Variants in RBPJ observed in about 807,000 individuals in gnomAD.
RBPJ encodes the protein recombination signal binding protein for immunoglobulin kappa J region.
In RBPJ, 9 loss-of-function variants were observed where a neutral mutation model predicts 67.8. The observed-to-expected ratio is 0.13, with a 90% CI of 0.08 to 0.23. RBPJ has a LOEUF of 0.23. Among genes scored for constraint, RBPJ ranks in the 10% least tolerant of loss-of-function variants. The pLI is 1.00. For missense variants in RBPJ, 305 were observed against 595.6 expected, an observed-to-expected ratio of 0.51 and a Z score of 5.08; for synonymous variants, 198 against 203.3, an observed-to-expected ratio of 0.97 and a Z score of 0.22.
intron 1 of RBPJ, among the ~76,000 whole-genome samples, chr4:26,230,338 A>G (rs1197526800): frequency 6.6e-6 from 1 of 152,216 alleles, no homozygotes. Context: ...CACACTCATA[A>G]AAACAAACCA....
At chr4:26,351,744 A>G (rs779004338) in intron 1 of RBPJ, among the ~76,000 whole-genome samples, 3 of 152,200 alleles carry the variant, frequency 2.0e-5, no homozygotes, top group Admixed American at 1.3e-4. Context: ...TAGCTGCTAT[A>G]TATTACTTGT....
intron 1 of RBPJ, chr4:26,362,372 C>T (rs997756528): frequency 1.9e-5 from 16 of 832,422 alleles, no homozygotes; most frequent in Non-Finnish European, 2.5e-5. Flanking sequence ...TTAGTCATGG[C>T]AGCAGTTAAC....
intron 1 of RBPJ, among the ~76,000 whole-genome samples, chr4:26,262,738 A>G (rs946547051): frequency 3.3e-5 from 5 of 152,056 alleles, no homozygotes; most frequent in Admixed American, 2.0e-4. Context: ...ATTCCCCTCT[A>G]TTGAGCTTTT....
chr4:26,157,098 C>CAA, the RBPJ span, among the ~76,000 whole-genome samples: 3,285 of 26,362 alleles, frequency 0.12, 185 homozygotes, highest in African/African-American at 0.24. Context: ...AACAAACAAA[C>CAA]AAAAACAAAC....
the RBPJ span, chr4:26,112,239 A>G: frequency 6.6e-6 from 1 of 152,620 alleles, no homozygotes; most frequent in Non-Finnish European, 1.5e-5. Context: ...CAATTTGGGT[A>G]CAAACCCTGT....
chr4:26,238,761 C>T (rs994755421), intron 1 of RBPJ, among the ~76,000 whole-genome samples: 8 of 151,920 alleles, frequency 5.3e-5, no homozygotes, highest in Non-Finnish European at 1.0e-4. Flanking sequence ...GTGGTGGGGT[C>T]GCGGGAGGAT....
chr4:26,328,453 T>C (rs1723883551), intron 1 of RBPJ, among the ~76,000 whole-genome samples: 1 of 152,166 alleles, frequency 6.6e-6, no homozygotes, highest in Non-Finnish European at 1.5e-5. Flanking sequence ...GAGATTATGG[T>C]AAGTGCTGTA....
chr4:26,366,651 A>T (rs553669079), intron 1 of RBPJ, among the ~76,000 whole-genome samples: 1 of 152,104 alleles, frequency 6.6e-6, no homozygotes, highest in South Asian at 2.1e-4. Flanking sequence ...CAATCTCCTG[A>T]AATCGTGATC....
At chr4:26,157,645 G>C in the RBPJ span, among the ~76,000 whole-genome samples, 1 of 152,086 alleles carries the variant, frequency 6.6e-6, no homozygotes, top group Non-Finnish European at 1.5e-5. Context: ...ATTCCTTATT[G>C]TAATGTGATT....
rs771155134 is a variant in RBPJ, at chr4:26,420,719, G to T, written c.490G>T (p.Ala164Ser). 4 of 1,610,266 alleles carry T rather than the reference G, an allele frequency of 2.5e-6. No individual in the cohort carries two copies. The highest frequency in any genetic ancestry group is 3.4e-6 in the Non-Finnish European group (4 of 1,178,394). Residue 164 changes from alanine to serine, a missense_variant, in exon 5 of 11, where the codon GCT becomes TCT. This residue lies in a region of RBPJ where 66 missense variants were observed against 226.0 expected (regional missense o/e 0.29). Coordinates refer to ENST00000355476, the MANE Select transcript of RBPJ (RefSeq NM_015874.6). ...CAAAAAGAAGCAGTCATTGAAAAAT[G>T]CTGACTGTATGTATGCTTTTCTTAT... ...PSKKKQSLKN[A>S]DLCIASGTKV...
chr4:26,304,595 T>C (rs1044947654), intron 1 of RBPJ, among the ~76,000 whole-genome samples: 1 of 152,232 alleles, frequency 6.6e-6, no homozygotes, highest in Non-Finnish European at 1.5e-5. Flanking sequence ...TGATGGCTAA[T>C]GATACTGAAT....
At chr4:26,234,974 G>A (rs924200275) in intron 1 of RBPJ, among the ~76,000 whole-genome samples, 6 of 152,248 alleles carry the variant, frequency 3.9e-5, no homozygotes, top group African/African-American at 1.4e-4. Flanking sequence ...TTACAGGTGT[G>A]AGCCACTGTG....
rs1271883089 is a variant in RBPJ at position 26,433,130 on chromosome 4, C to G, written c.*2123C>G. The G allele has an allele frequency of 2.0e-5, 3 of 152,220 alleles. No individual in the cohort carries two copies. The highest frequency in any genetic ancestry group is 4.4e-5 in the Non-Finnish European group (3 of 68,038). 9.4% of individuals were successfully genotyped at this position (152,220 alleles called of 1,614,324 possible). ...AAATCTGCTCCAATCACTCACTTCTCTCTTATAAGCTAATCCTGCCTCACA... is the reference window on the plus strand; with the variant it reads ...AAATCTGCTCCAATCACTCACTTCTGTCTTATAAGCTAATCCTGCCTCACA... On this transcript the variant is annotated 3_prime_UTR_variant, in exon 11 of 11. Coordinates refer to ENST00000355476, the MANE Select transcript of RBPJ (RefSeq NM_015874.6).
intron 1 of RBPJ, among the ~76,000 whole-genome samples, chr4:26,234,090 T>C (rs1217992105): frequency 6.6e-6 from 1 of 152,222 alleles, no homozygotes; most frequent in African/African-American, 2.4e-5. Flanking sequence ...CCACGACTTT[T>C]GCAAATATTT....
the RBPJ span, among the ~76,000 whole-genome samples, chr4:26,138,346 C>T: frequency 1.3e-4 from 20 of 149,662 alleles, no homozygotes; most frequent in African/African-American, 1.7e-4. Flanking sequence ...TCTCCCTGTC[C>T]GATGCTGGGG....
intron 2 of RBPJ, among the ~76,000 whole-genome samples, chr4:26,397,421 A>G (rs942074720): frequency 6.6e-6 from 1 of 152,196 alleles, no homozygotes; most frequent in African/African-American, 2.4e-5. Flanking sequence ...GAAGAATTTT[A>G]TAAAAAAATT....
the RBPJ span, among the ~76,000 whole-genome samples, chr4:26,127,290 G>A: frequency 0.06 from 9,129 of 152,236 alleles, 898 homozygotes; most frequent in African/African-American, 0.21. Context: ...TTCCGTTGCT[G>A]CTGCTCATTG....
the RBPJ span, among the ~76,000 whole-genome samples, chr4:26,145,035 T>C: frequency 6.6e-6 from 1 of 152,020 alleles, no homozygotes; most frequent in Non-Finnish European, 1.5e-5. Context: ...CTTCTTTTTT[T>C]TTTTTTTTTT....
the RBPJ span, among the ~76,000 whole-genome samples, chr4:26,131,904 G>A: frequency 1.3e-5 from 2 of 152,192 alleles, no homozygotes; most frequent in African/African-American, 4.8e-5. Context: ...GGGTGCTTTC[G>A]GGGGTAGTTG....
Sources: allele counts gnomAD v4.1 joint callset (sites outside exome capture counted in the v4.1 genomes callset), GRCh38; gene constraint gnomAD v4.1.1; regional missense constraint gnomAD v4.1.1; transcripts MANE v1.5; gene names NCBI Gene and HGNC (gene_info 2026-07-23, HGNC 2026-07-21).